SPEF2: variants seen among roughly 807,000 people sequenced by gnomAD.
The protein encoded by SPEF2 is sperm flagellar and cilia associated 2.
Under a neutral mutation model 224.6 loss-of-function variants are expected in SPEF2, and 187 were observed. The observed-to-expected ratio is 0.83, with a 90% CI of 0.74 to 0.94. SPEF2 has a LOEUF of 0.94. SPEF2 is among the 40% of genes least tolerant of loss of function. The probability of loss-of-function intolerance (pLI) is 0.00; values close to 1 mark genes in which losing one functional copy is unlikely to be tolerated. For synonymous variants in SPEF2, 715 were observed against 707.3 expected (o/e 1.01, Z -0.17); for missense variants, 2,170 against 2,135.6 (o/e 1.02, Z -0.32).
At chr5:35,713,790 G>A (rs62351903) in intron 20 of SPEF2, among the ~76,000 whole-genome samples, 41,513 of 45,990 alleles carry the variant, frequency 0.9, 19,128 homozygotes, top group Middle Eastern at 0.96. Flanking sequence ...TATATATAGT[G>A]TTATATATTT....
rs542104087 is a variant in SPEF2, at chr5:35,786,677, A to T, written c.4448-5663A>T. On this transcript the variant is annotated intron_variant, in intron 30 of 36. Coordinates refer to ENST00000356031, the MANE Select transcript of SPEF2 (RefSeq NM_024867.4). ...CTCCATCTCAAAAAAAAACAAAAAA[A>T]GCAAAGGAGAAGTTAGACCCAAATA... is the stretch of plus-strand genomic sequence containing the variant. Among the ~76,000 whole-genome samples the T allele has an allele frequency of 7.9e-5, 12 of 152,252 alleles. No individual in the cohort carries two copies. In the East Asian group the frequency reaches 2.3e-3, roughly 29 times the overall value.
At chr5:35,773,071 A>C (rs1486499481) in intron 27 of SPEF2, among the ~76,000 whole-genome samples, 2 of 152,194 alleles carry the variant, frequency 1.3e-5, no homozygotes, top group Non-Finnish European at 2.9e-5. Flanking sequence ...CTTATAGTTA[A>C]GTTCTAATTA....
chr5:35,813,755 T>C (rs1274389263), intron 36 of SPEF2, among the ~76,000 whole-genome samples: 1 of 152,020 alleles, frequency 6.6e-6, no homozygotes, highest in Non-Finnish European at 1.5e-5. Context: ...ATGATCACAG[T>C]CAAATTGAAG....
In SPEF2 at chr5:35,692,725, G is replaced by T. The variant is rs1409096166; in HGVS notation, c.1899+1G>T. On this transcript the variant is annotated splice_donor_variant, in intron 12 of 36. Transcript: ENST00000356031. LOFTEE classifies it high-confidence loss of function. ...GCAAGAGGAGATTAAAGAAAGCCAG[G>T]CAAGTGTGATTCTAGTTTTCTCTTC... 2 of 1,609,992 alleles carry T rather than the reference G, an allele frequency of 1.2e-6. No individual in the cohort carries two copies. The highest frequency in any genetic ancestry group is 1.3e-5 in the African/African-American group (1 of 74,356).
At chr5:35,808,680 T>C (rs1352935866) in intron 36 of SPEF2, among the ~76,000 whole-genome samples, 2 of 150,566 alleles carry the variant, frequency 1.3e-5, no homozygotes, top group African/African-American at 4.9e-5. Flanking sequence ...TGGTTCCAAG[T>C]CTTTGCTATT....
intron 20 of SPEF2, among the ~76,000 whole-genome samples, chr5:35,713,135 T>G (rs1238089215): frequency 6.6e-6 from 1 of 152,192 alleles, no homozygotes; most frequent in East Asian, 1.9e-4. Flanking sequence ...TATCCATTTA[T>G]CAGAGATATT....
chr5:35,666,356 C>A (rs1750459075), intron 8 of SPEF2, among the ~76,000 whole-genome samples: 1 of 152,148 alleles, frequency 6.6e-6, no homozygotes, highest in Non-Finnish European at 1.5e-5. Flanking sequence ...GGACTGAGTT[C>A]AACCTTTGTA....
chr5:35,667,467 C>G (rs1750642061), intron 9 of SPEF2, among the ~76,000 whole-genome samples: 1 of 152,042 alleles, frequency 6.6e-6, no homozygotes, highest in African/African-American at 2.4e-5. Flanking sequence ...TTTTCCTCAC[C>G]TTTTATGAAA....
In SPEF2 at chr5:35,753,679, A is replaced by AGGAGC. The variant is rs1561310010; in HGVS notation, c.3389_3393dup (p.Leu1132SerfsTer17). 2 of 1,614,190 alleles carry AGGAGC rather than the reference A, an allele frequency of 1.2e-6. No homozygotes were observed. The highest frequency in any genetic ancestry group is 1.7e-5 in the Admixed American group (1 of 60,022). ...GATGCCCGGAAGGAAGAGGCGGAGC[A>AGGAGC]GGAGCGGCTTGACATCATTAATGAG... On this transcript the variant is annotated frameshift_variant, in exon 24 of 37. Transcript: ENST00000356031. LOFTEE classifies it high-confidence loss of function.
intron 20 of SPEF2, among the ~76,000 whole-genome samples, chr5:35,713,527 C>T (rs10066047): frequency 4.6e-5 from 7 of 151,084 alleles, no homozygotes; most frequent in Admixed American, 1.3e-4. Context: ...TGAGGTCAGG[C>T]GATCAAGACC....
chr5:35,704,737 A>G, intron 17 of SPEF2, 75 bp downstream of exon 17: 1 of 847,126 alleles, frequency 1.2e-6, no homozygotes, highest in South Asian at 1.5e-5. Flanking sequence ...TGGAATCATC[A>G]GATCTAGAAG....
chr5:35,705,052 G>C (rs1739472254), intron 17 of SPEF2, among the ~76,000 whole-genome samples: 1 of 152,016 alleles, frequency 6.6e-6, no homozygotes, highest in Non-Finnish European at 1.5e-5. Flanking sequence ...TTCTGGTTGT[G>C]TGCAATTTGC....
intron 24 of SPEF2, among the ~76,000 whole-genome samples, chr5:35,758,839 C>G (rs2149743308): frequency 6.6e-6 from 1 of 151,950 alleles, no homozygotes; most frequent in South Asian, 2.1e-4. Context: ...AACCCTATCT[C>G]TACTAAATAT....
At chr5:35,812,956 A>G (rs1303358426) in intron 36 of SPEF2, among the ~76,000 whole-genome samples, 4 of 152,210 alleles carry the variant, frequency 2.6e-5, no homozygotes, top group Non-Finnish European at 4.4e-5. Context: ...ACCAGTGTCA[A>G]ACATTTTCTG....
chr5:35,650,948 G>A (rs1414140024), intron 6 of SPEF2, among the ~76,000 whole-genome samples: 2 of 152,200 alleles, frequency 1.3e-5, no homozygotes, highest in African/African-American at 2.4e-5. Flanking sequence ...GGGTTATCAA[G>A]GACTGAGGCT....
At chr5:35,748,044 A>C (rs896963524) in intron 23 of SPEF2, among the ~76,000 whole-genome samples, 1 of 152,202 alleles carries the variant, frequency 6.6e-6, no homozygotes, top group Non-Finnish European at 1.5e-5. Flanking sequence ...CTTCAAAACT[A>C]TGCAAATACA....
At chr5:35,639,057 G>C (rs1271591227) in intron 2 of SPEF2, among the ~76,000 whole-genome samples, 1 of 152,100 alleles carries the variant, frequency 6.6e-6, no homozygotes, top group Admixed American at 6.5e-5. Flanking sequence ...GAACACAAAG[G>C]CCTTTTTACA....
intron 8 of SPEF2, among the ~76,000 whole-genome samples, chr5:35,661,277 T>TATAG (rs1749691122): frequency 9.8e-6 from 1 of 101,958 alleles, no homozygotes; most frequent in African/African-American, 4.7e-5. Context: ...TATATATATA[T>TATAG]ATATATATAT....
At chr5:35,668,135 C>T (rs1169188087) in intron 9 of SPEF2, among the ~76,000 whole-genome samples, 1 of 152,080 alleles carries the variant, frequency 6.6e-6, no homozygotes, top group Non-Finnish European at 1.5e-5. Context: ...AACTCCCACA[C>T]AACCTAGCAA....
Sources: allele counts gnomAD v4.1 joint callset (sites outside exome capture counted in the v4.1 genomes callset), GRCh38; gene constraint gnomAD v4.1.1; transcripts MANE v1.5; gene names NCBI Gene and HGNC (gene_info 2026-07-23, HGNC 2026-07-21).